HS6ST3: variants seen among roughly 807,000 people sequenced by gnomAD.
HS6ST3 encodes the protein heparan-sulfate 6-O-sulfotransferase 3.
In HS6ST3, 12 loss-of-function variants were observed where a neutral mutation model predicts 36.7. The ratio of observed to expected loss-of-function variants is 0.33; its 90% confidence interval spans 0.21 to 0.53. The LOEUF (loss-of-function observed/expected upper bound fraction) is 0.53, where lower values mean the gene tolerates loss of function less well. HS6ST3 is among the 20% of genes least tolerant of loss of function. The pLI is 0.95. For synonymous variants in HS6ST3, 240 were observed against 257.5 expected (o/e 0.93, Z 0.65); for missense variants, 584 against 640.9 (o/e 0.91, Z 0.96).
intron 1 of HS6ST3, among the ~76,000 whole-genome samples, chr13:96,104,899 A>G (rs1251049195): frequency 6.6e-6 from 1 of 151,984 alleles, no homozygotes; most frequent in African/African-American, 2.4e-5. Context: ...CTTCTTTTTC[A>G]TGATGGTTGT....
At chr13:96,399,648 A>G (rs1026961772) in intron 1 of HS6ST3, among the ~76,000 whole-genome samples, 5 of 152,262 alleles carry the variant, frequency 3.3e-5, no homozygotes, top group African/African-American at 1.2e-4. Context: ...TGCCCATCAT[A>G]GAATATCACT....
intron 1 of HS6ST3, among the ~76,000 whole-genome samples, chr13:96,093,875 A>G (rs1444404843): frequency 2.0e-5 from 3 of 152,204 alleles, no homozygotes; most frequent in Non-Finnish European, 4.4e-5. Context: ...AATGGAGGGT[A>G]CCTTTTCACA....
chr13:96,521,367 A>G (rs942601808), intron 1 of HS6ST3, among the ~76,000 whole-genome samples: 10 of 152,170 alleles, frequency 6.6e-5, no homozygotes, highest in Admixed American at 3.9e-4. Context: ...GGCCTTATAA[A>G]ATGAGTTAGG....
rs531999826 is a variant in HS6ST3 at position 96,694,949 on chromosome 13, C to T, written c.708-137541C>T. ...ACAGCGACATAGACAACTAGAAACT[C>T]GGTCAAAACTGTCTTTAAAAAACTT... is the stretch of plus-strand genomic sequence containing the variant. On this transcript the variant is annotated intron_variant, in intron 1 of 1. Coordinates refer to ENST00000376705, the MANE Select transcript of HS6ST3 (RefSeq NM_153456.4). Among the ~76,000 whole-genome samples, 6 of 152,232 alleles carry T rather than the reference C, an allele frequency of 3.9e-5. No homozygotes were observed. The South Asian group carries it at 8.3e-4, about 21-fold the overall frequency.
At chr13:96,551,681 G>A (rs7320834) in intron 1 of HS6ST3, among the ~76,000 whole-genome samples, 11,776 of 152,224 alleles carry the variant, frequency 0.077, 805 homozygotes, top group African/African-American at 0.18. Flanking sequence ...CCAGAGCCTT[G>A]AGTTGGGGAT....
chr13:96,619,983 C>T (rs2056488278), intron 1 of HS6ST3, among the ~76,000 whole-genome samples: 1 of 152,140 alleles, frequency 6.6e-6, no homozygotes, highest in Non-Finnish European at 1.5e-5. Flanking sequence ...CAGATCCCTT[C>T]CCCGTCTGAG....
chr13:96,201,485 T>C (rs913741301), intron 1 of HS6ST3, among the ~76,000 whole-genome samples: 3 of 152,240 alleles, frequency 2.0e-5, no homozygotes, highest in Non-Finnish European at 4.4e-5. Flanking sequence ...TGGAGAGTTA[T>C]GTTTTCTGCC....
chr13:96,532,592 T>A (rs2056139993), intron 1 of HS6ST3, among the ~76,000 whole-genome samples: 1 of 152,256 alleles, frequency 6.6e-6, no homozygotes, highest in African/African-American at 2.4e-5. Flanking sequence ...AGTAAAAAAT[T>A]ACTGAAAGCA....
chr13:96,277,879 T>C (rs1402164805), intron 1 of HS6ST3, among the ~76,000 whole-genome samples: 1 of 152,180 alleles, frequency 6.6e-6, no homozygotes, highest in African/African-American at 2.4e-5. Context: ...CAGTTTGGAT[T>C]GTTGTCAGCT....
chr13:96,090,651 C>A lies in HS6ST3; in HGVS notation c.-212C>A, dbSNP rs996967586. 8.2e-5 allele frequency among the ~76,000 whole-genome samples: 12 copies of A among 146,662 alleles called. No homozygotes were observed. The highest frequency in any genetic ancestry group is 2.9e-4 in the African/African-American group (12 of 40,928). ...CCGCAGCCGCAGCCGAGCGCGCCGG[C>A]GCCCGCCTCCCCCGCCCGGCTCGCA... is the stretch of plus-strand genomic sequence containing the variant. On this transcript the variant is annotated 5_prime_UTR_variant, in exon 1 of 2. Transcript: ENST00000376705.
At chr13:96,753,764 G>T (rs185467558) in intron 1 of HS6ST3, among the ~76,000 whole-genome samples, 3 of 152,138 alleles carry the variant, frequency 2.0e-5, no homozygotes, top group Admixed American at 2.0e-4. Flanking sequence ...GGACATACTT[G>T]TCTTGCCTCT....
At chr13:96,111,812 T>C (rs1351557327) in intron 1 of HS6ST3, among the ~76,000 whole-genome samples, 2 of 152,212 alleles carry the variant, frequency 1.3e-5, no homozygotes, top group African/African-American at 4.8e-5. Context: ...GACTGTGACC[T>C]ACATAAAGAG....
intron 1 of HS6ST3, among the ~76,000 whole-genome samples, chr13:96,696,291 G>T (rs1440567358): frequency 1.3e-5 from 2 of 152,076 alleles, no homozygotes; most frequent in Non-Finnish European, 2.9e-5. Context: ...GCTGAGTGAG[G>T]CACACCCGGA....
chr13:96,481,982 G>A (rs2138898589), intron 1 of HS6ST3, among the ~76,000 whole-genome samples: 2 of 151,752 alleles, frequency 1.3e-5, no homozygotes, highest in Non-Finnish European at 2.9e-5. Flanking sequence ...TCACTTCTTT[G>A]TTCTTAGATC....
chr13:96,623,954 T>C (rs2056503758), intron 1 of HS6ST3, among the ~76,000 whole-genome samples: 1 of 152,236 alleles, frequency 6.6e-6, no homozygotes. Context: ...TGCATAATTA[T>C]ATTCCTTACT....
rs566065622 is a variant in HS6ST3, at chr13:96,813,347, A to C, written c.708-19143A>C. On this transcript the variant is annotated intron_variant, in intron 1 of 1. Transcript: ENST00000376705. ...AGGGTATCAAAGGGCCTCAACATGC[A>C]GCTCTTCTTCCTGAGAAGGATAAAC... is the stretch of plus-strand genomic sequence containing the variant. Among the ~76,000 whole-genome samples the C allele has an allele frequency of 1.7e-4, 26 of 152,292 alleles. No homozygotes were observed. In the South Asian group the frequency reaches 3.1e-3, roughly 18 times the overall value.
At chr13:96,432,890 A>G (rs966604572) in intron 1 of HS6ST3, among the ~76,000 whole-genome samples, 1 of 152,226 alleles carries the variant, frequency 6.6e-6, no homozygotes, top group Non-Finnish European at 1.5e-5. Flanking sequence ...AAAGACAATT[A>G]CTGGCAAATG....
chr13:96,599,601 G>A (rs930636352), intron 1 of HS6ST3, among the ~76,000 whole-genome samples: 1 of 150,810 alleles, frequency 6.6e-6, no homozygotes, highest in African/African-American at 2.4e-5. Context: ...TGTTTCATTG[G>A]TCCTTTGTAT....
chr13:96,783,569 C>CTT (rs113084867), intron 1 of HS6ST3, among the ~76,000 whole-genome samples: 5 of 140,590 alleles, frequency 3.6e-5, no homozygotes, highest in Non-Finnish European at 4.7e-5. Flanking sequence ...AAAAATAAAG[C>CTT]TTTTTTTTTT....
Sources: gnomAD v4.1 joint callset for allele counts (sites outside exome capture counted in the v4.1 genomes callset) on GRCh38, gnomAD v4.1.1 for gene constraint, MANE v1.5 for transcripts, NCBI Gene and HGNC (gene_info 2026-07-23, HGNC 2026-07-21) for gene names.